NELL1: variants seen among roughly 807,000 people sequenced by gnomAD.
The protein encoded by NELL1 is protein kinase C-binding protein NELL1.
Under a neutral mutation model 107.4 loss-of-function variants are expected in NELL1, and 76 were observed. That is an observed-to-expected ratio of 0.71 (90% CI 0.59 to 0.86). The LOEUF is 0.86. Among genes scored for constraint, NELL1 ranks in the 40% least tolerant of loss-of-function variants. NELL1 has a pLI of 0.00. For synonymous variants in NELL1, 353 were observed against 341.2 expected, an observed-to-expected ratio of 1.03 and a Z score of -0.38; for missense variants, 1,024 against 1,005.5, an observed-to-expected ratio of 1.02 and a Z score of -0.25.
intron 15 of NELL1, among the ~76,000 whole-genome samples, chr11:21,429,027 C>A (rs893309080): frequency 1.3e-5 from 2 of 152,148 alleles, no homozygotes; most frequent in Non-Finnish European, 2.9e-5. Flanking sequence ...GATTCATAGC[C>A]AACACTTGAG....
chr11:20,724,627 C>A (rs1300640126), intron 2 of NELL1, among the ~76,000 whole-genome samples: 1 of 152,126 alleles, frequency 6.6e-6, no homozygotes, highest in Non-Finnish European at 1.5e-5. Context: ...CTTCATTGTC[C>A]ATATCATTAT....
At chr11:21,521,793 A>C (rs534673746) in intron 15 of NELL1, among the ~76,000 whole-genome samples, 1 of 152,290 alleles carries the variant, frequency 6.6e-6, no homozygotes, top group African/African-American at 2.4e-5. Flanking sequence ...TATTAATAAT[A>C]GCCATTCTGA....
chr11:20,806,259 TG>T (rs1857382103), intron 3 of NELL1, among the ~76,000 whole-genome samples: 1 of 107,802 alleles, frequency 9.3e-6, no homozygotes, highest in African/African-American at 4.5e-5. Flanking sequence ...CATTTGTGTG[TG>T]TGTGTGTGTG....
At chr11:21,247,456 T>C (rs1565129353) in intron 14 of NELL1, among the ~76,000 whole-genome samples, 1 of 152,114 alleles carries the variant, frequency 6.6e-6, no homozygotes, top group Non-Finnish European at 1.5e-5. Flanking sequence ...GTTTTTTGTT[T>C]AAAATGAAGA....
At chr11:20,731,314 A>G (rs1387767445) in intron 2 of NELL1, among the ~76,000 whole-genome samples, 4 of 152,226 alleles carry the variant, frequency 2.6e-5, no homozygotes, top group Admixed American at 2.6e-4. Flanking sequence ...CTGTTGCACA[A>G]ATTAAGACCA....
chr11:20,879,896 T>C (rs1254367843), intron 4 of NELL1, among the ~76,000 whole-genome samples: 1 of 152,160 alleles, frequency 6.6e-6, no homozygotes, highest in Admixed American at 6.5e-5. Flanking sequence ...ATAAAAATAC[T>C]GAAGTTTTAG....
intron 13 of NELL1, among the ~76,000 whole-genome samples, chr11:21,154,769 G>A (rs1469661029): frequency 6.6e-6 from 1 of 152,140 alleles, no homozygotes; most frequent in Non-Finnish European, 1.5e-5. Context: ...ATCCCAAGCA[G>A]TGAAAATGGA....
At chr11:21,492,666 G>A (rs1290502726) in intron 15 of NELL1, among the ~76,000 whole-genome samples, 3 of 146,460 alleles carry the variant, frequency 2.0e-5, no homozygotes, top group South Asian at 2.2e-4. Context: ...AACACTGCAT[G>A]TTCTCACTCA....
intron 15 of NELL1, among the ~76,000 whole-genome samples, chr11:21,414,387 C>T (rs948401070): frequency 2.0e-5 from 3 of 151,970 alleles, no homozygotes; most frequent in African/African-American, 7.2e-5. Context: ...TGAATAATAT[C>T]TTCAAAAATA....
At chr11:21,294,736 G>A (rs552335192) in intron 14 of NELL1, among the ~76,000 whole-genome samples, 158 of 152,074 alleles carry the variant, frequency 1.0e-3, no homozygotes, top group African/African-American at 3.8e-3. Context: ...AAAAGTCAAA[G>A]GGTTTGGCTC....
At chr11:21,405,393 C>T (rs1852210885) in intron 15 of NELL1, among the ~76,000 whole-genome samples, 1 of 83,656 alleles carries the variant, frequency 1.2e-5, no homozygotes, top group Non-Finnish European at 2.6e-5. Flanking sequence ...AAACAGGATT[C>T]CAATTTTTTC....
chr11:21,503,162 T>C lies in NELL1; in HGVS notation c.1646-31212T>C, dbSNP rs527373777. Among the ~76,000 whole-genome samples the C allele has an allele frequency of 2.0e-3, 307 of 152,354 alleles. 1 individual carries two copies. The highest frequency in any genetic ancestry group is 3.7e-3 in the Non-Finnish European group (249 of 68,028). On this transcript the variant is annotated intron_variant, in intron 15 of 19. Transcript: ENST00000357134. ...TCCCAAAGTGCCGGGACTACAAGCG[T>C]GAGCCACTGCACCCAGCCTAATAAT...
intron 16 of NELL1, among the ~76,000 whole-genome samples, chr11:21,554,250 C>T (rs73471121): frequency 0.14 from 20,646 of 151,790 alleles, 1,504 homozygotes; most frequent in Middle Eastern, 0.18. Flanking sequence ...CAGTAAAACA[C>T]CTAAATTTGT....
chr11:21,235,734 G>A (rs1249763561), intron 14 of NELL1, among the ~76,000 whole-genome samples: 9 of 152,126 alleles, frequency 5.9e-5, no homozygotes, highest in Non-Finnish European at 1.2e-4. Context: ...ATCACAAAGT[G>A]CTCTTAACAC....
intron 5 of NELL1, among the ~76,000 whole-genome samples, chr11:20,896,875 A>C (rs371819050): frequency 0.19 from 28,978 of 151,854 alleles, 3,060 homozygotes; most frequent in South Asian, 0.3. Flanking sequence ...GGACCTCTTC[A>C]AGGAGAACTA....
At chr11:20,696,836 C>T (rs1854631412) in intron 2 of NELL1, among the ~76,000 whole-genome samples, 1 of 152,042 alleles carries the variant, frequency 6.6e-6, no homozygotes, top group African/African-American at 2.4e-5. Flanking sequence ...AGTACTGTCA[C>T]GTGGTTGGAG....
At chr11:20,671,948 G>A (rs550431304) in intron 1 of NELL1, among the ~76,000 whole-genome samples, 3 of 152,304 alleles carry the variant, frequency 2.0e-5, no homozygotes, top group African/African-American at 7.2e-5. Context: ...GGCAGAGGGA[G>A]CAGATTCAGC....
At chr11:20,748,911 C>CCATCCAT (rs1856067762) in intron 2 of NELL1, among the ~76,000 whole-genome samples, 1 of 143,926 alleles carries the variant, frequency 6.9e-6, no homozygotes, top group Non-Finnish European at 1.5e-5. Flanking sequence ...CACCCAGCCA[C>CCATCCAT]CCATCCATCC....
chr11:20,798,818 C>T (rs1440797091), intron 3 of NELL1, among the ~76,000 whole-genome samples: 4 of 152,196 alleles, frequency 2.6e-5, no homozygotes, highest in Non-Finnish European at 5.9e-5. Flanking sequence ...GTTTACTTCT[C>T]TGTCAAATTA....
Sources: allele counts gnomAD v4.1 joint callset (sites outside exome capture counted in the v4.1 genomes callset), GRCh38; gene constraint gnomAD v4.1.1; transcripts MANE v1.5; gene names NCBI Gene and HGNC (gene_info 2026-07-23, HGNC 2026-07-21).